SLC9C1: variants seen among roughly 807,000 people sequenced by gnomAD.
The protein encoded by SLC9C1 is sodium/hydrogen exchanger 10.
A neutral mutation model predicts 140.9 loss-of-function variants in SLC9C1; 97 were observed. That is an observed-to-expected ratio of 0.69 (90% confidence interval 0.58 to 0.82). SLC9C1 has a LOEUF of 0.82. SLC9C1 is among the 40% of genes least tolerant of loss of function. SLC9C1 has a pLI of 0.00. For missense variants in SLC9C1, 1,340 were observed against 1,389.3 expected (o/e 0.96, Z 0.56); for synonymous variants, 440 against 442.6 (o/e 0.99, Z 0.07).
At chr3:112,293,206 G>C (rs931895089) in intron 1 of SLC9C1, among the ~76,000 whole-genome samples, 2 of 151,974 alleles carry the variant, frequency 1.3e-5, no homozygotes, top group African/African-American at 2.4e-5. Flanking sequence ...AATTGAAGAG[G>C]CAGAGATTGC....
At chr3:112,277,615 C>G (rs541670274) in intron 5 of SLC9C1, 80 bp downstream of exon 5, 1 of 1,271,880 alleles carries the variant, frequency 7.9e-7, no homozygotes, top group African/African-American at 1.6e-5. Flanking sequence ...GAAAAGCTAC[C>G]AAAAGCAAAA....
At position 112,202,355 on chromosome 3, in the gene SLC9C1, A is replaced by G; in HGVS notation, c.2217T>C (p.Ser739=). Residue 739 remains serine (S), a synonymous_variant, in exon 18 of 29, where the codon AGT becomes AGC. Transcript: ENST00000305815. ...TTCCATACCAAAAGGTCTTCTGATG[A>G]CTCATTCTTTTATCTATTATTTGCA... is the stretch of plus-strand genomic sequence containing the variant. ...KLLQIIDKRM[S]HQKTFWYGIL... The G allele has an allele frequency of 6.2e-7, 1 of 1,607,406 alleles. No homozygotes were observed. Among genetic ancestry groups the G allele is most frequent in the Non-Finnish European group, 8.5e-7 (1 of 1,176,842 alleles).
chr3:112,191,405 G>A (rs1560047122), intron 20 of SLC9C1, among the ~76,000 whole-genome samples: 1 of 151,918 alleles, frequency 6.6e-6, no homozygotes, highest in African/African-American at 2.4e-5. Context: ...TTATGAGAGG[G>A]TGCTTAATTT....
In SLC9C1 at chr3:112,257,041, A is replaced by G. The variant is rs374985206; in HGVS notation, c.1197+5883T>C. Among the ~76,000 whole-genome samples the G allele has an allele frequency of 5.9e-5, 9 of 152,208 alleles. No homozygotes were observed. The South Asian group carries it at 6.2e-4, about 11-fold the overall frequency. ...AATGAGAATTACAAAATTCTGCCCA[A>G]TGAAATCAGAGATGACACAAATGAA... On this transcript the variant is annotated intron_variant, in intron 10 of 28. Transcript: ENST00000305815.
At chr3:112,288,137 C>A (rs926502367) in intron 1 of SLC9C1, among the ~76,000 whole-genome samples, 1 of 150,406 alleles carries the variant, frequency 6.6e-6, no homozygotes, top group Non-Finnish European at 1.5e-5. Flanking sequence ...CACACACGCA[C>A]ACACACACAT....
intron 27 of SLC9C1, among the ~76,000 whole-genome samples, 175 bp from the exon 28 acceptor site, chr3:112,152,138 C>T (rs552249784): frequency 1.3e-5 from 2 of 152,228 alleles, no homozygotes; most frequent in South Asian, 4.2e-4. Context: ...CTGCACTCAG[C>T]ATAGGGAAGA....
intron 12 of SLC9C1, among the ~76,000 whole-genome samples, chr3:112,238,939 A>C (rs1268896808): frequency 6.6e-6 from 1 of 152,224 alleles, no homozygotes; most frequent in East Asian, 1.9e-4. Flanking sequence ...GTCTGTTCTC[A>C]GATCTCAAAC....
chr3:112,248,163 G>T (rs2079346151), intron 10 of SLC9C1, among the ~76,000 whole-genome samples: 1 of 152,126 alleles, frequency 6.6e-6, no homozygotes, highest in Non-Finnish European at 1.5e-5. Flanking sequence ...CTGGCCAAGA[G>T]TCAACAAGAA....
intron 1 of SLC9C1, among the ~76,000 whole-genome samples, chr3:112,293,746 G>A (rs1192718057): frequency 3.3e-5 from 5 of 152,120 alleles, no homozygotes; most frequent in Admixed American, 3.3e-4. Flanking sequence ...CACACCTGAG[G>A]CGATTCCCTG....
rs548135878 is a variant in SLC9C1 at position 112,161,995 on chromosome 3, A to C, written c.3364+5226T>G. ...TGAAGAGGTCCTTCACGTCCCTTGTAAGTTGGATTCCTAGGTATTTTATTC... is the reference window on the plus strand; with the variant it reads ...TGAAGAGGTCCTTCACGTCCCTTGTCAGTTGGATTCCTAGGTATTTTATTC... On this transcript the variant is annotated intron_variant, in intron 26 of 28. Coordinates refer to ENST00000305815, the MANE Select transcript of SLC9C1 (RefSeq NM_183061.3). 2.0e-5 allele frequency among the ~76,000 whole-genome samples: 3 copies of C among 152,100 alleles called. No homozygotes were observed. In the South Asian group the frequency reaches 6.2e-4, roughly 32 times the overall value.
intron 20 of SLC9C1, among the ~76,000 whole-genome samples, chr3:112,185,253 G>A (rs1313071770): frequency 6.6e-6 from 1 of 150,798 alleles, no homozygotes; most frequent in Non-Finnish European, 1.5e-5. Flanking sequence ...CAAACTCTGG[G>A]GGATAAAACA....
chr3:112,167,669 A>G (rs956240093), intron 25 of SLC9C1, among the ~76,000 whole-genome samples: 7 of 151,988 alleles, frequency 4.6e-5, no homozygotes, highest in Admixed American at 3.9e-4. Context: ...TGAAAAGAGT[A>G]TTTCAAAATA....
intron 10 of SLC9C1, among the ~76,000 whole-genome samples, chr3:112,261,882 G>A (rs767898051): frequency 3.3e-5 from 5 of 151,986 alleles, no homozygotes; most frequent in African/African-American, 1.2e-4. Context: ...AGAGCTAATC[G>A]TTCAATTTCA....
chr3:112,143,600 ATTGT>A (rs1215443892), intron 28 of SLC9C1, among the ~76,000 whole-genome samples: 1 of 151,892 alleles, frequency 6.6e-6, no homozygotes, highest in Non-Finnish European at 1.5e-5. Context: ...TGCTTGTTCA[ATTGT>A]TTAAGTTCTT....
At chr3:112,171,460 GTCT>G (rs1203403525) in intron 23 of SLC9C1, among the ~76,000 whole-genome samples, 1 of 152,020 alleles carries the variant, frequency 6.6e-6, no homozygotes, top group Non-Finnish European at 1.5e-5. Context: ...TCAGTAGTTT[GTCT>G]TCTTATTTTT....
At chr3:112,202,442 T>C in intron 17 of SLC9C1, 43 bp from the exon 18 acceptor site, 1 of 1,537,624 alleles carries the variant, frequency 6.5e-7, no homozygotes, top group Non-Finnish European at 8.8e-7. Flanking sequence ...TGCACAAATA[T>C]CATTTTATGA....
chr3:112,272,520 C>A (rs2080104619), intron 6 of SLC9C1, among the ~76,000 whole-genome samples: 1 of 152,098 alleles, frequency 6.6e-6, no homozygotes, highest in Non-Finnish European at 1.5e-5. Flanking sequence ...AGTATTGATT[C>A]ACAATTGTCA....
intron 20 of SLC9C1, among the ~76,000 whole-genome samples, chr3:112,190,796 A>G (rs1434625846): frequency 2.0e-5 from 3 of 151,866 alleles, no homozygotes; most frequent in African/African-American, 2.4e-5. Flanking sequence ...ACTTTTTAGG[A>G]ATTATTGCTA....
chr3:112,225,322 A>G (rs1291910928), intron 13 of SLC9C1, among the ~76,000 whole-genome samples: 1 of 152,212 alleles, frequency 6.6e-6, no homozygotes, highest in Non-Finnish European at 1.5e-5. Context: ...CCTGACAAGT[A>G]AAACCTGAGA....
Sources: allele counts gnomAD v4.1 joint callset (sites outside exome capture counted in the v4.1 genomes callset), GRCh38; gene constraint gnomAD v4.1.1; transcripts MANE v1.5; gene names NCBI Gene and HGNC (gene_info 2026-07-23, HGNC 2026-07-21).